The following MDGA2 variants were observed in gnomAD, a reference collection of about 807,000 sequenced individuals.
MDGA2 encodes MAM domain-containing glycosylphosphatidylinositol anchor protein 2.
Under a neutral mutation model 117.8 loss-of-function variants are expected in MDGA2, and 40 were observed. That is an observed-to-expected ratio of 0.34 (90% confidence interval 0.26 to 0.44). The LOEUF (loss-of-function observed/expected upper bound fraction) is 0.44. Ranked by LOEUF, MDGA2 falls within the 20% of genes least tolerant of loss-of-function variation. The pLI is 1.00. For synonymous variants in MDGA2, 452 were observed against 439.0 expected (o/e 1.03, Z -0.37); for missense variants, 1,123 against 1,250.6 (o/e 0.90, Z 1.54).
At chr14:47,070,130 C>T (rs1890226318) in intron 6 of MDGA2, among the ~76,000 whole-genome samples, 1 of 152,168 alleles carries the variant, frequency 6.6e-6, no homozygotes, top group Middle Eastern at 3.4e-3. Context: ...TGACTATAGT[C>T]ACCCTGTTGT....
chr14:47,177,456 G>T (rs1475519962), intron 3 of MDGA2, among the ~76,000 whole-genome samples: 2 of 152,172 alleles, frequency 1.3e-5, no homozygotes, highest in Non-Finnish European at 2.9e-5. Flanking sequence ...AGACACCATG[G>T]AATACTATGC....
At chr14:46,905,298 G>A (rs910521194) in intron 10 of MDGA2, among the ~76,000 whole-genome samples, 1 of 152,082 alleles carries the variant, frequency 6.6e-6, no homozygotes, top group East Asian at 1.9e-4. Flanking sequence ...AAGCAGTTGG[G>A]ACTTCTTGAA....
At chr14:47,144,947 C>A (rs555663045) in intron 3 of MDGA2, among the ~76,000 whole-genome samples, 28 of 151,510 alleles carry the variant, frequency 1.8e-4, no homozygotes, top group African/African-American at 6.5e-4. Flanking sequence ...CTATACTAGA[C>A]CTCTTTGTCT....
intron 1 of MDGA2, among the ~76,000 whole-genome samples, chr14:47,548,867 T>C (rs1415692550): frequency 6.6e-6 from 1 of 152,114 alleles, no homozygotes; most frequent in Non-Finnish European, 1.5e-5. Context: ...TTGTAGTCAG[T>C]CTATTGTTTG....
At chr14:47,018,908 G>A (rs961593622) in intron 8 of MDGA2, among the ~76,000 whole-genome samples, 11 of 152,060 alleles carry the variant, frequency 7.2e-5, no homozygotes, top group Admixed American at 3.9e-4. Flanking sequence ...CATAATTAGC[G>A]TACACCGTCC....
chr14:47,160,575 A>T (rs1374697758), intron 3 of MDGA2, among the ~76,000 whole-genome samples: 3 of 152,130 alleles, frequency 2.0e-5, no homozygotes, highest in African/African-American at 7.2e-5. Context: ...CAAGAGAATC[A>T]CTTAAGCCCA....
intron 3 of MDGA2, among the ~76,000 whole-genome samples, chr14:47,166,793 G>A (rs977316858): frequency 1.3e-5 from 2 of 152,132 alleles, no homozygotes; most frequent in African/African-American, 4.8e-5. Flanking sequence ...TATTACACAC[G>A]ACTCCAGTTG....
intron 1 of MDGA2, among the ~76,000 whole-genome samples, chr14:47,674,089 A>T (rs1037231664): frequency 3.0e-5 from 2 of 67,732 alleles, no homozygotes; most frequent in African/African-American, 1.1e-4. Flanking sequence ...GGTGGAGAGG[A>T]GGAGGCGGCG....
chr14:46,843,483 A>T (rs1167596253), intron 16 of MDGA2, among the ~76,000 whole-genome samples: 1 of 152,154 alleles, frequency 6.6e-6, no homozygotes, highest in Admixed American at 6.5e-5. Flanking sequence ...TTTCCTGTGC[A>T]TTAGAAAAAC....
chr14:47,113,850 A>C (rs1881178715), intron 5 of MDGA2, among the ~76,000 whole-genome samples: 1 of 152,174 alleles, frequency 6.6e-6, no homozygotes, highest in Non-Finnish European at 1.5e-5. Context: ...TCAGCACAAG[A>C]CAAGAATGCC....
intron 1 of MDGA2, among the ~76,000 whole-genome samples, chr14:47,506,447 A>G (rs1894513964): frequency 6.6e-6 from 1 of 152,134 alleles, no homozygotes; most frequent in Non-Finnish European, 1.5e-5. Flanking sequence ...TCTTCTCAGT[A>G]TTTTAAATTA....
chr14:47,009,181 C>G (rs549514318), intron 8 of MDGA2, among the ~76,000 whole-genome samples: 5 of 152,066 alleles, frequency 3.3e-5, no homozygotes, highest in African/African-American at 1.2e-4. Context: ...CCACATAAAT[C>G]AAGTTGGTAC....
rs140939554 is a variant in MDGA2, at chr14:46,938,144, G to C, written c.2090-17984C>G. Among the ~76,000 whole-genome samples the C allele has an allele frequency of 1.1e-3, 172 of 152,196 alleles. 1 individual carries two copies. Among genetic ancestry groups the C allele is most frequent in the African/African-American group, 3.7e-3 (153 of 41,534 alleles). On this transcript the variant is annotated intron_variant, in intron 9 of 16. Transcript: ENST00000399232. Reference sequence around the variant, plus strand: ...AATTTTTTAAATGGGCTAATGATCTGAATAGACATTTATCAAAGAAGACAT... The same window carrying C: ...AATTTTTTAAATGGGCTAATGATCTCAATAGACATTTATCAAAGAAGACAT...
chr14:47,132,243 C>T lies in MDGA2; in HGVS notation c.793-397G>A, dbSNP rs926478123. Among the ~76,000 whole-genome samples, 14 of 151,754 alleles carry T rather than the reference C, an allele frequency of 9.2e-5. No homozygotes were observed. In the East Asian group the frequency reaches 1.9e-3, roughly 21 times the overall value. ...CAAACACTGCAATCTATTCAGACAT[C>T]GATGTGAGAAGACAAAAGAAAAGAA... On this transcript the variant is annotated intron_variant, in intron 4 of 16. Transcript: ENST00000399232.
chr14:47,592,505 G>A (rs1328942188), intron 1 of MDGA2, among the ~76,000 whole-genome samples: 4 of 152,166 alleles, frequency 2.6e-5, no homozygotes, highest in Non-Finnish European at 5.9e-5. Context: ...CAAGGCTACA[G>A]TAACCAAAAG....
At chr14:47,198,164 T>C (rs1183246065) in intron 3 of MDGA2, among the ~76,000 whole-genome samples, 1 of 152,230 alleles carries the variant, frequency 6.6e-6, no homozygotes, top group Non-Finnish European at 1.5e-5. Context: ...TGAATTACTT[T>C]TGTGTGACCT....
chr14:46,989,802 A>G (rs903424677), intron 8 of MDGA2, among the ~76,000 whole-genome samples: 4 of 152,116 alleles, frequency 2.6e-5, no homozygotes, highest in Admixed American at 2.0e-4. Context: ...CAAGTGAATC[A>G]TGAATATTTC....
At chr14:47,113,659 T>C (rs1881166665) in intron 5 of MDGA2, among the ~76,000 whole-genome samples, 1 of 152,026 alleles carries the variant, frequency 6.6e-6, no homozygotes, top group African/African-American at 2.4e-5. Flanking sequence ...CAAAAACCAC[T>C]TGATTATCTC....
chr14:46,935,831 G>A (rs992105446), intron 9 of MDGA2, among the ~76,000 whole-genome samples: 3 of 152,046 alleles, frequency 2.0e-5, no homozygotes, highest in African/African-American at 2.4e-5. Context: ...GAAAGTGTTT[G>A]GGTTGACATG....
Sources: allele counts gnomAD v4.1 joint callset (sites outside exome capture counted in the v4.1 genomes callset), GRCh38; gene constraint gnomAD v4.1.1; transcripts MANE v1.5; gene names NCBI Gene and HGNC (gene_info 2026-07-23, HGNC 2026-07-21).